The following MAML3 variants were observed in gnomAD, a reference collection of about 807,000 sequenced individuals.
MAML3 encodes mastermind-like protein 3.
Under a neutral mutation model 101.9 loss-of-function variants are expected in MAML3, and 27 were observed. The observed-to-expected ratio is 0.27, with a 90% CI of 0.20 to 0.37. The LOEUF is 0.37. MAML3 is among the 10% of genes least tolerant of loss of function. MAML3 has a pLI of 1.00. For synonymous variants in MAML3, 501 were observed against 555.9 expected, an observed-to-expected ratio of 0.90 and a Z score of 1.39; for missense variants, 1,316 against 1,444.9, an observed-to-expected ratio of 0.91 and a Z score of 1.45.
chr4:139,889,332 AAG>A (rs1360936793), intron 2 of MAML3, 23 bp downstream of exon 2: 1 of 1,614,040 alleles, frequency 6.2e-7, no homozygotes, highest in Non-Finnish European at 8.5e-7. Flanking sequence ...GAACTGCTCG[AAG>A]AGTGTGTCAC....
chr4:140,003,264 G>C (rs1432957311), intron 1 of MAML3, among the ~76,000 whole-genome samples: 2 of 152,124 alleles, frequency 1.3e-5, no homozygotes, highest in Non-Finnish European at 2.9e-5. Flanking sequence ...CAGCAGCATT[G>C]CTCCTTTGTA....
chr4:140,113,806 C>T (rs1356049054), intron 1 of MAML3, among the ~76,000 whole-genome samples: 1 of 152,164 alleles, frequency 6.6e-6, no homozygotes, highest in Non-Finnish European at 1.5e-5. Flanking sequence ...AAAGTCCATC[C>T]AAAGTCACAG....
chr4:140,041,963 C>A (rs1449603913), intron 1 of MAML3, among the ~76,000 whole-genome samples: 1 of 152,078 alleles, frequency 6.6e-6, no homozygotes, highest in Non-Finnish European at 1.5e-5. Context: ...AACAACTAAC[C>A]TTTACTAAGG....
intron 2 of MAML3, among the ~76,000 whole-genome samples, chr4:139,774,052 G>A (rs1324243722): frequency 1.3e-5 from 2 of 152,192 alleles, no homozygotes; most frequent in Non-Finnish European, 2.9e-5. Context: ...GGCCGTGTGA[G>A]CTTCATCTTT....
chr4:140,042,563 G>T (rs1027766274), intron 1 of MAML3, among the ~76,000 whole-genome samples: 2 of 152,134 alleles, frequency 1.3e-5, no homozygotes, highest in Non-Finnish European at 2.9e-5. Flanking sequence ...GAACCCTGGA[G>T]GCGGAGGTTA....
In MAML3 at chr4:139,877,342, C is replaced by T. The variant is rs530006772; in HGVS notation, c.2079+12015G>A. Among the ~76,000 whole-genome samples, 34 of 151,932 alleles carry T rather than the reference C, an allele frequency of 2.2e-4. 1 individual carries two copies. In the East Asian group the frequency reaches 4.6e-3, roughly 21 times the overall value. ...TGTATAGGAAAGCAGCATTTCCCCC[C>T]ACCCCCCGAAGAGTATTATAACCTC... On this transcript the variant is annotated intron_variant, in intron 2 of 4. Transcript: ENST00000509479.
At chr4:140,125,774 T>TTG (rs1728673153) in intron 1 of MAML3, among the ~76,000 whole-genome samples, 2 of 150,752 alleles carry the variant, frequency 1.3e-5, no homozygotes, top group African/African-American at 2.4e-5. Context: ...TACAGGTGTT[T>TTG]TTGTTGTTGT....
intron 2 of MAML3, among the ~76,000 whole-genome samples, chr4:139,856,080 CCA>C (rs1731656503): frequency 6.6e-6 from 1 of 152,198 alleles, no homozygotes; most frequent in Non-Finnish European, 1.5e-5. Flanking sequence ...CTGTCTATCT[CCA>C]CAAGAGACTA....
At chr4:139,781,530 T>C (rs1730215101) in intron 2 of MAML3, among the ~76,000 whole-genome samples, 1 of 148,108 alleles carries the variant, frequency 6.8e-6, no homozygotes, top group Non-Finnish European at 1.5e-5. Flanking sequence ...TATATATATA[T>C]AGTCTGTACA....
At chr4:139,787,910 A>G (rs958480660) in intron 2 of MAML3, among the ~76,000 whole-genome samples, 1 of 152,232 alleles carries the variant, frequency 6.6e-6, no homozygotes, top group Non-Finnish European at 1.5e-5. Flanking sequence ...AACCATGTCA[A>G]TTTGAAGCTT....
At chr4:139,799,435 C>G (rs1020697362) in intron 2 of MAML3, among the ~76,000 whole-genome samples, 1 of 152,102 alleles carries the variant, frequency 6.6e-6, no homozygotes, top group East Asian at 1.9e-4. Flanking sequence ...CATAACTAGA[C>G]AAATGCTCAC....
In MAML3 at chr4:139,906,595, G is replaced by A. The variant is rs75175296; in HGVS notation, c.469-15628C>T. On this transcript the variant is annotated intron_variant, in intron 1 of 4. Transcript: ENST00000509479. ...CTTGCGCCAGCCCAGTGCCTCATGC[G>A]ATAAATCACTTTGCCTAAAACAGGT... is the stretch of plus-strand genomic sequence containing the variant. Among the ~76,000 whole-genome samples the A allele has an allele frequency of 7.0e-4, 107 of 152,330 alleles. 2 individuals are homozygous for A. In the East Asian group the frequency reaches 0.016, roughly 23 times the overall value.
At chr4:139,781,752 G>A (rs1310351813) in intron 2 of MAML3, among the ~76,000 whole-genome samples, 1 of 152,032 alleles carries the variant, frequency 6.6e-6, no homozygotes, top group East Asian at 1.9e-4. Context: ...GCATGACACT[G>A]GTTTCAACAC....
intron 1 of MAML3, among the ~76,000 whole-genome samples, chr4:139,915,944 G>A (rs896689686): frequency 3.3e-5 from 5 of 152,146 alleles, no homozygotes; most frequent in African/African-American, 4.8e-5. Flanking sequence ...ACTCCTCAAC[G>A]TTATCAGCAA....
At chr4:139,933,858 C>T (rs1223143022) in intron 1 of MAML3, among the ~76,000 whole-genome samples, 3 of 152,022 alleles carry the variant, frequency 2.0e-5, no homozygotes, top group African/African-American at 7.3e-5. Flanking sequence ...AGAGGCGTCC[C>T]AAAGGAAGAG....
intron 2 of MAML3, among the ~76,000 whole-genome samples, chr4:139,762,924 G>A (rs981117605): frequency 4.6e-5 from 7 of 152,072 alleles, no homozygotes; most frequent in African/African-American, 9.7e-5. Flanking sequence ...TGCATATTTC[G>A]TGTCTATGTG....
At chr4:139,751,001 A>G (rs7688761) in intron 2 of MAML3, among the ~76,000 whole-genome samples, 52,844 of 152,118 alleles carry the variant, frequency 0.35, 9,457 homozygotes, top group Admixed American at 0.42. Flanking sequence ...CTGTGATTCA[A>G]TCACTCTTTT....
intron 1 of MAML3, among the ~76,000 whole-genome samples, chr4:139,946,360 A>G (rs797090): frequency 0.42 from 64,086 of 152,016 alleles, 15,037 homozygotes; most frequent in African/African-American, 0.63. Context: ...GCAAATTTTC[A>G]TGGTTGATAT....
intron 1 of MAML3, among the ~76,000 whole-genome samples, chr4:139,897,973 A>C (rs1224147981): frequency 6.6e-6 from 1 of 152,190 alleles, no homozygotes; most frequent in East Asian, 1.9e-4. Flanking sequence ...TGCATATTTT[A>C]CACTTAACCA....
Sources: gnomAD v4.1 joint callset for allele counts (sites outside exome capture counted in the v4.1 genomes callset) on GRCh38, gnomAD v4.1.1 for gene constraint, MANE v1.5 for transcripts, NCBI Gene and HGNC (gene_info 2026-07-23, HGNC 2026-07-21) for gene names.